Variants in INPP4A observed in about 807,000 individuals in gnomAD.
The protein encoded by INPP4A is inositol polyphosphate-4-phosphatase type I A, also known as inositol polyphosphate-4-phosphatase, type I, 107kD.
In INPP4A, 33 loss-of-function variants were observed where a neutral mutation model predicts 119.8. The ratio of observed to expected loss-of-function variants is 0.28; its 90% CI spans 0.21 to 0.37. The LOEUF (loss-of-function observed/expected upper bound fraction) is 0.37, where lower values mean the gene tolerates loss of function less well. Among genes scored for constraint, INPP4A ranks in the 10% least tolerant of loss-of-function variants. The probability of loss-of-function intolerance (pLI) is 1.00; values close to 1 mark genes in which losing one functional copy is unlikely to be tolerated. For synonymous variants in INPP4A, 496 were observed against 500.7 expected, an observed-to-expected ratio of 0.99 and a Z score of 0.12; for missense variants, 956 against 1,289.9, an observed-to-expected ratio of 0.74 and a Z score of 3.97.
intron 13 of INPP4A, 116 bp from the exon 14 acceptor site, chr2:98,552,670 A>G (rs1693746795): frequency 1.2e-6 from 1 of 849,608 alleles, no homozygotes; most frequent in African/African-American, 1.7e-5. Flanking sequence ...TTGAGAGAAC[A>G]TCCCTGAGTC....
intron 1 of INPP4A, among the ~76,000 whole-genome samples, chr2:98,470,814 C>T (rs190239367): frequency 8.5e-5 from 13 of 152,144 alleles, no homozygotes; most frequent in East Asian, 3.9e-4. Flanking sequence ...ACTACAGGCA[C>T]GCACCACCAC....
chr2:98,562,635 G>C (rs1226393850), intron 17 of INPP4A, among the ~76,000 whole-genome samples: 1 of 152,156 alleles, frequency 6.6e-6, no homozygotes, highest in Non-Finnish European at 1.5e-5. Flanking sequence ...CCTATTTCTG[G>C]TCTTAATCAC....
chr2:98,568,975 G>A (rs1696969556), intron 22 of INPP4A: 1 of 253,246 alleles, frequency 3.9e-6, no homozygotes, highest in South Asian at 6.4e-5. Flanking sequence ...TAGGACTTGG[G>A]GGAATCACAG....
chr2:98,575,233 G>T (rs1698220332), intron 23 of INPP4A, among the ~76,000 whole-genome samples: 1 of 152,270 alleles, frequency 6.6e-6, no homozygotes, highest in Non-Finnish European at 1.5e-5. Flanking sequence ...CAAGTGGCTG[G>T]TGTCCCTCTG....
rs138458361 is a variant in INPP4A, at chr2:98,566,643, G to C, written c.2420+474G>C. On this transcript the variant is annotated intron_variant, in intron 21 of 24. Transcript: ENST00000409851. This position sits in a 1 kb window ranked among gnomAD's most constrained non-coding sequence, Gnocchi z 4.2. ...CCAGGTTCCAGGCAGGGATTGGCAGGTAAGGGTAGACAGGCTCTGTGTGCC... is the reference window on the plus strand; with the variant it reads ...CCAGGTTCCAGGCAGGGATTGGCAGCTAAGGGTAGACAGGCTCTGTGTGCC... Among the ~76,000 whole-genome samples, 1,008 of 152,290 alleles carry C rather than the reference G, an allele frequency of 6.6e-3. 18 individuals are homozygous for C. Among genetic ancestry groups the C allele is most frequent in the African/African-American group, 0.023 (946 of 41,542 alleles).
At chr2:98,582,561 C>G (rs113512605) in intron 24 of INPP4A, among the ~76,000 whole-genome samples, 28,804 of 122,530 alleles carry the variant, frequency 0.24, 3,825 homozygotes, top group Middle Eastern at 0.32. Flanking sequence ...ATCACCTACT[C>G]CATACGCCAG....
At chr2:98,492,662 A>AG (rs927645587) in intron 1 of INPP4A, among the ~76,000 whole-genome samples, 1 of 152,202 alleles carries the variant, frequency 6.6e-6, no homozygotes, top group South Asian at 2.1e-4. Context: ...CTCAGGTCCC[A>AG]GGGGGAGGTG....
intron 4 of INPP4A, chr2:98,521,475 C>G (rs1042126458): frequency 2.0e-5 from 3 of 152,276 alleles, no homozygotes; most frequent in African/African-American, 7.2e-5. Flanking sequence ...CCATGCCAGG[C>G]TAACCACATG....
intron 17 of INPP4A, 37 bp from the exon 18 acceptor site, chr2:98,563,428 C>G (rs760238641): frequency 1.9e-6 from 3 of 1,581,046 alleles, no homozygotes; most frequent in South Asian, 1.1e-5. Context: ...CTTAAAATCT[C>G]TCTCTCATTG....
At chr2:98,543,279 G>A (rs956468860) in intron 10 of INPP4A, among the ~76,000 whole-genome samples, 5 of 152,176 alleles carry the variant, frequency 3.3e-5, no homozygotes, top group Admixed American at 6.5e-5. Context: ...GTGGTATTCC[G>A]CTGCTGAGGA....
chr2:98,536,936 T>A (rs1406324059), intron 7 of INPP4A, among the ~76,000 whole-genome samples: 1 of 152,200 alleles, frequency 6.6e-6, no homozygotes, highest in Non-Finnish European at 1.5e-5. Flanking sequence ...TTAGAGAACT[T>A]GATTCAGGAA....
intron 1 of INPP4A, among the ~76,000 whole-genome samples, chr2:98,465,313 C>T (rs1460461546): frequency 6.6e-6 from 1 of 152,194 alleles, no homozygotes; most frequent in African/African-American, 2.4e-5. Context: ...AACATCTTCT[C>T]TCCGTGACTC....
chr2:98,519,036 T>G lies in INPP4A; in HGVS notation c.-104+11T>G, dbSNP rs1340989599. On this transcript the variant is annotated intron_variant, in intron 2 of 24. Transcript: ENST00000409851. The stretch of plus-strand genomic sequence containing the variant: ...GAGCAAACATGTCCAGTAAGTTGTT[T>G]GGTGAATTAACCCAAGGACAGGAGC... 1.3e-5 allele frequency: 2 copies of G among 152,252 alleles called. No homozygotes were observed. Among genetic ancestry groups the G allele is most frequent in the African/African-American group, 4.8e-5 (2 of 41,472 alleles). The allele number at this position is 152,252 out of a possible 1,614,324, so 9.4% of individuals were successfully genotyped here.
At chr2:98,511,578 T>A (rs1178641039) in intron 1 of INPP4A, among the ~76,000 whole-genome samples, 2 of 152,122 alleles carry the variant, frequency 1.3e-5, no homozygotes, top group Non-Finnish European at 2.9e-5. Flanking sequence ...AGGACCATGA[T>A]GCTGCCCCCT....
At chr2:98,450,965 T>C (rs2104448597) in intron 1 of INPP4A, among the ~76,000 whole-genome samples, 1 of 152,278 alleles carries the variant, frequency 6.6e-6, no homozygotes, top group East Asian at 1.9e-4. Flanking sequence ...GAGACGGGGT[T>C]TCACCATGTT....
At chr2:98,577,395 T>G (rs1698610351) in intron 24 of INPP4A, among the ~76,000 whole-genome samples, 2 of 152,222 alleles carry the variant, frequency 1.3e-5, no homozygotes, top group Admixed American at 6.5e-5. Flanking sequence ...ACTGGTAGAC[T>G]GGTGGGCAAG....
chr2:98,535,455 A>G lies in INPP4A; in HGVS notation c.271-274A>G, dbSNP rs138996058. 3.5e-3 allele frequency among the ~76,000 whole-genome samples: 531 copies of G among 152,348 alleles called. 8 individuals carry two copies. Among genetic ancestry groups the G allele is most frequent in the African/African-American group, 0.012 (488 of 41,584 alleles). On this transcript the variant is annotated intron_variant, in intron 5 of 24. Transcript: ENST00000409851. ...ATTCCTCCTGTTGAGTGTGAAACCC[A>G]TGAAATGAGTCCTCAGGCACAGCTT...
intron 1 of INPP4A, among the ~76,000 whole-genome samples, chr2:98,491,148 G>C (rs1680663355): frequency 6.6e-6 from 1 of 152,252 alleles, no homozygotes; most frequent in African/African-American, 2.4e-5. Flanking sequence ...TTTCCAAAAA[G>C]GGGGCGGAGG....
At chr2:98,449,731 G>A (rs1694901572) in intron 1 of INPP4A, among the ~76,000 whole-genome samples, 1 of 152,146 alleles carries the variant, frequency 6.6e-6, no homozygotes, top group Admixed American at 6.5e-5. Flanking sequence ...AAACATAAAT[G>A]TAGTCACATT....
Sources: gnomAD v4.1 joint callset for allele counts (sites outside exome capture counted in the v4.1 genomes callset) on GRCh38, gnomAD v4.1.1 for gene constraint, Gnocchi (gnomAD v3.1) non-coding constraint, MANE v1.5 for transcripts, NCBI Gene and HGNC (gene_info 2026-07-23, HGNC 2026-07-21) for gene names.